Variants in ZNF682 observed in about 807,000 individuals in gnomAD.
ZNF682 encodes the protein zinc finger protein 682.
Under a neutral mutation model 36.5 loss-of-function variants are expected in ZNF682, and 29 were observed. That is an observed-to-expected ratio of 0.80 (90% CI 0.59 to 1.08). The LOEUF (loss-of-function observed/expected upper bound fraction) is 1.08, where lower values mean the gene tolerates loss of function less well. Ranked by LOEUF, ZNF682 falls within the 50% of genes least tolerant of loss-of-function variation. ZNF682 has a pLI of 0.00. For missense variants in ZNF682, 561 were observed against 579.7 expected (o/e 0.97, Z 0.33); for synonymous variants, 180 against 197.0 (o/e 0.91, Z 0.72).
In ZNF682 at chr19:20,026,043, C is replaced by T. The variant is rs183060412; in HGVS notation, c.4-1667G>A. ...TCTGGCCAGGTGCTGTGGCTCACGC[C>T]TGTAATCCCAGCACTTTGGGAGGCT... is the stretch of plus-strand genomic sequence containing the variant. On this transcript the variant is annotated intron_variant, in intron 1 of 3. Transcript: ENST00000397165. Among the ~76,000 whole-genome samples the T allele has an allele frequency of 6.7e-3, 1,016 of 152,252 alleles. 13 individuals carry two copies. The highest frequency in any genetic ancestry group is 0.024 in the African/African-American group (977 of 41,544).
At chr19:20,020,122 T>C (rs966995659) in intron 3 of ZNF682, among the ~76,000 whole-genome samples, 3 of 152,076 alleles carry the variant, frequency 2.0e-5, no homozygotes, top group Non-Finnish European at 4.4e-5. Context: ...TTGACAAGTT[T>C]CTGAAGAAAA....
intron 1 of ZNF682, among the ~76,000 whole-genome samples, chr19:20,026,172 G>A (rs1232320936): frequency 3.3e-5 from 5 of 151,670 alleles, no homozygotes; most frequent in Admixed American, 1.3e-4. Flanking sequence ...GTGTGGTGGT[G>A]GGCGCCTGTA....
intron 1 of ZNF682, 108 bp downstream of exon 1, chr19:20,039,235 C>A: frequency 6.5e-7 from 1 of 1,539,950 alleles, no homozygotes; most frequent in South Asian, 1.2e-5. Flanking sequence ...CTCCAGTCCG[C>A]AGACTCCGGA....
At chr19:20,024,404 C>G in intron 1 of ZNF682, 28 bp from the exon 2 acceptor site, 1 of 1,594,842 alleles carries the variant, frequency 6.3e-7, no homozygotes, top group Non-Finnish European at 8.5e-7. Flanking sequence ...ACATAGTGAC[C>G]AACTGTCAAT....
chr19:20,037,815 A>ATC (rs1249682345), intron 1 of ZNF682, among the ~76,000 whole-genome samples: 1 of 152,162 alleles, frequency 6.6e-6, no homozygotes, highest in Non-Finnish European at 1.5e-5. Flanking sequence ...CCAGCACTGT[A>ATC]TCTCTAAGAA....
At chr19:20,002,397 C>T (rs774511155), downstream of ZNF682, among the ~76,000 whole-genome samples, 10 of 152,146 alleles carry the variant, frequency 6.6e-5, no homozygotes, top group Non-Finnish European at 1.5e-4. Flanking sequence ...ACAGACATAA[C>T]AGAGGTCCCT....
At chr19:20,031,264 G>A (rs550277586) in intron 1 of ZNF682, among the ~76,000 whole-genome samples, 3 of 152,300 alleles carry the variant, frequency 2.0e-5, no homozygotes, top group South Asian at 4.1e-4. Context: ...GGTAGGTGTG[G>A]TTGTTATGGT....
At position 20,006,111 on chromosome 19, in the gene ZNF682, C is replaced by T. The variant is rs932903662; in HGVS notation, c.1391G>A (p.Arg464Gln). 1.9e-6 allele frequency: 3 copies of T among 1,613,778 alleles called. No homozygotes were observed. The highest frequency in any genetic ancestry group is 2.2e-5 in the East Asian group (1 of 44,872). ...CTTATGTTCATTAAGATGTGAGCAC[C>T]GTTTAAAAGCTTTGCCACATTCTTC... Reference protein sequence around the residue: ...KCEECGKAFKRCSHLNEHKRV... With the variant: ...KCEECGKAFKQCSHLNEHKRV... The change falls in exon 4 of 4, where the codon CGG becomes CAG. Residue 464 changes from arginine (R) to glutamine (Q), a missense_variant. By Grantham distance (43) the Arg-to-Gln change is conservative. Coordinates refer to ENST00000397165, the MANE Select transcript of ZNF682 (RefSeq NM_033196.3).
chr19:20,019,819 T>C lies in ZNF682; in HGVS notation c.226+3185A>G, dbSNP rs144611530. 6.0e-3 allele frequency among the ~76,000 whole-genome samples: 907 copies of C among 152,270 alleles called. 10 individuals are homozygous for C. The highest frequency in any genetic ancestry group is 0.02 in the African/African-American group (848 of 41,548). ...GATGTCTATTATCAAGAGACACTTA[T>C]ATTTTTTGGGTGATGTATACCCTAA... On this transcript the variant is annotated intron_variant, in intron 3 of 3. Transcript: ENST00000397165.
At chr19:20,000,902 A>G (rs1314884073), downstream of ZNF682, among the ~76,000 whole-genome samples, 1 of 152,146 alleles carries the variant, frequency 6.6e-6, no homozygotes, top group Non-Finnish European at 1.5e-5. Flanking sequence ...GGTGCCCTAC[A>G]CCACTAACCT....
rs576557183 is a variant in ZNF682 at position 20,019,482 on chromosome 19, C to T, written c.226+3522G>A. Among the ~76,000 whole-genome samples, 139 of 152,136 alleles carry T rather than the reference C, an allele frequency of 9.1e-4. 1 individual carries two copies. The South Asian group carries it at 0.028, about 30-fold the overall frequency. The stretch of plus-strand genomic sequence containing the variant: ...AAGCAAATATAAATAAGTGGGACTG[C>T]ATCAAACTGAAAATTTTCTGCACAG... On this transcript the variant is annotated intron_variant, in intron 3 of 3. Coordinates refer to ENST00000397165, the MANE Select transcript of ZNF682 (RefSeq NM_033196.3).
chr19:19,999,890 G>A (rs146689264), downstream of ZNF682, among the ~76,000 whole-genome samples: 127 of 152,280 alleles, frequency 8.3e-4, no homozygotes, highest in African/African-American at 2.8e-3. Context: ...TCCCTAGGAG[G>A]TAGATGCTAG....
chr19:20,001,611 C>CA (rs1284558645), downstream of ZNF682, among the ~76,000 whole-genome samples: 1 of 152,190 alleles, frequency 6.6e-6, no homozygotes, highest in African/African-American at 2.4e-5. Context: ...ACTGCCATAA[C>CA]ACAGCATCAC....
rs1326357337 is a variant in ZNF682, at chr19:20,004,504, T to TATA, written c.*1500_*1501insTAT. ...ACAAAATCCACTATACTATCTAATG[T>TATA]GCAATTGGTAAAACAATTTACTAAA... On this transcript the variant is annotated 3_prime_UTR_variant, in exon 4 of 4. Transcript: ENST00000397165. The TATA allele has an allele frequency of 6.6e-6, 1 of 152,230 alleles. No homozygotes were observed. The highest frequency in any genetic ancestry group is 1.5e-5 in the Non-Finnish European group (1 of 68,038). The allele number at this position is 152,230 out of a possible 1,614,324, so 9.4% of individuals were successfully genotyped here.
chr19:20,000,981 AG>A (rs1483073824), downstream of ZNF682, among the ~76,000 whole-genome samples: 2 of 152,220 alleles, frequency 1.3e-5, no homozygotes, highest in Non-Finnish European at 2.9e-5. Flanking sequence ...TGAGAAGACC[AG>A]GACAGGCCCA....
downstream of ZNF682, among the ~76,000 whole-genome samples, chr19:20,003,475 C>T (rs537445639): frequency 1.4e-4 from 21 of 151,748 alleles, no homozygotes; most frequent in African/African-American, 2.2e-4. Flanking sequence ...GAGGCTGAGG[C>T]GGGTGGATCA....
chr19:20,027,869 G>C (rs187989329), intron 1 of ZNF682, among the ~76,000 whole-genome samples: 1 of 152,052 alleles, frequency 6.6e-6, no homozygotes, highest in Non-Finnish European at 1.5e-5. Context: ...AGCCAAGATC[G>C]CGCCACTGCA....
At chr19:20,016,205 G>T (rs1026569706) in intron 3 of ZNF682, among the ~76,000 whole-genome samples, 1 of 152,126 alleles carries the variant, frequency 6.6e-6, no homozygotes, top group Non-Finnish European at 1.5e-5. Flanking sequence ...CAGCTACTTG[G>T]GGGGCTGAGT....
At chr19:20,028,056 C>T (rs996112384) in intron 1 of ZNF682, among the ~76,000 whole-genome samples, 3 of 152,130 alleles carry the variant, frequency 2.0e-5, no homozygotes, top group South Asian at 2.1e-4. Context: ...CATAATCCGT[C>T]GAGAGGACAC....
Sources: gnomAD v4.1 joint callset for allele counts (sites outside exome capture counted in the v4.1 genomes callset) on GRCh38, gnomAD v4.1.1 for gene constraint, MANE v1.5 for transcripts, NCBI Gene and HGNC (gene_info 2026-07-23, HGNC 2026-07-21) for gene names.